Variants in ABR observed in about 807,000 individuals in gnomAD.
ABR encodes ABR activator of RhoGEF and GTPase.
In ABR, 35 loss-of-function variants were observed where a neutral mutation model predicts 107.2. The ratio of observed to expected loss-of-function variants is 0.33; its 90% CI spans 0.25 to 0.43. The LOEUF is 0.43. Ranked by LOEUF, ABR falls within the 20% of genes least tolerant of loss-of-function variation. ABR has a pLI of 1.00. For synonymous variants in ABR, 498 were observed against 462.0 expected, an observed-to-expected ratio of 1.08 and a Z score of -1.00; for missense variants, 815 against 1,115.2, an observed-to-expected ratio of 0.73 and a Z score of 3.83.
Position 1,078,903 on chromosome 17 carries a change from A to T in ABR, c.700+427T>A. ...GGCGGGAGCGTGCAGCCATCGCTCC[A>T]GGCTCCCCGGCGCCCACCAGCAGCC... On this transcript the variant is annotated intron_variant, in intron 6 of 22. Coordinates refer to ENST00000302538, the MANE Select transcript of ABR (RefSeq NM_021962.5). The surrounding 1 kb of genome is among the most constrained non-coding windows in gnomAD (Gnocchi z 7.5). 5 of 1,534,446 alleles carry T rather than the reference A, an allele frequency of 3.3e-6. No individual in the cohort carries two copies. The highest frequency in any genetic ancestry group is 4.4e-6 in the Non-Finnish European group (5 of 1,146,198).
chr17:1,123,204 C>G (rs914676035), intron 2 of ABR, among the ~76,000 whole-genome samples: 1 of 152,102 alleles, frequency 6.6e-6, no homozygotes, highest in African/African-American at 2.4e-5. Flanking sequence ...GCAGGTGCCG[C>G]GGATGGGACC....
At chr17:1,204,646 G>C (rs929890440) in intron 1 of ABR, among the ~76,000 whole-genome samples, 8 of 152,234 alleles carry the variant, frequency 5.3e-5, no homozygotes, top group Admixed American at 3.3e-4. Context: ...ATTCAGTATA[G>C]TGACCTGCTA....
chr17:1,056,901 T>C lies in ABR; in HGVS notation c.1486+97A>G, dbSNP rs1597587825. ...AGCACAGCCGAGCAGGGATCAGCCA[T>C]TTACAGCCACATGTCTGTCTGAGTC... On this transcript the variant is annotated intron_variant, in intron 13 of 22. Transcript: ENST00000302538. The C allele has an allele frequency of 3.7e-6, 3 of 808,888 alleles. No homozygotes were observed. The East Asian group carries it at 7.9e-5, about 21-fold the overall frequency. 50.1% of individuals were successfully genotyped at this position (808,888 alleles called of 1,614,324 possible). A position where few individuals can be genotyped will look rare whatever the true frequency, so the allele number is the denominator to read the frequency against.
chr17:1,151,700 A>C (rs1197892279), intron 1 of ABR, among the ~76,000 whole-genome samples: 1 of 152,182 alleles, frequency 6.6e-6, no homozygotes, highest in African/African-American at 2.4e-5. Flanking sequence ...ATTTAGGTTG[A>C]ACCCTTTTTG....
At chr17:1,229,667 C>T (rs1439326660) in exon 1 of ABR, among the ~76,000 whole-genome samples, 1 of 152,046 alleles carries the variant, frequency 6.6e-6, no homozygotes, top group Non-Finnish European at 1.5e-5. Context: ...TTCCCCGCGG[C>T]CCCCGAAGAG....
At chr17:1,046,350 C>T (rs1293092367) in intron 16 of ABR, among the ~76,000 whole-genome samples, 2 of 139,568 alleles carry the variant, frequency 1.4e-5, no homozygotes, top group African/African-American at 2.5e-5. Flanking sequence ...GTTGGCCAGG[C>T]GGGTCTTGAA....
chr17:1,149,425 G>GA (rs2040704733), intron 1 of ABR, among the ~76,000 whole-genome samples: 1 of 130,466 alleles, frequency 7.7e-6, no homozygotes, highest in African/African-American at 2.8e-5. Flanking sequence ...TCTGGTTTTA[G>GA]TTTTTTTTTT....
At chr17:1,074,357 C>T (rs1383553539) in intron 6 of ABR, among the ~76,000 whole-genome samples, 1 of 148,964 alleles carries the variant, frequency 6.7e-6, no homozygotes, top group Middle Eastern at 3.5e-3. Flanking sequence ...CAGAATCACA[C>T]AGCTCCACCC....
At chr17:1,098,517 T>C (rs1211027547) in intron 3 of ABR, among the ~76,000 whole-genome samples, 1 of 152,244 alleles carries the variant, frequency 6.6e-6, no homozygotes, top group East Asian at 1.9e-4. Context: ...GCTGACATTT[T>C]TTCATTGGTT....
At chr17:1,195,304 C>CAAAAAAAAAAAA (rs564020208) in intron 1 of ABR, among the ~76,000 whole-genome samples, 9 of 87,636 alleles carry the variant, frequency 1.0e-4, no homozygotes, top group Admixed American at 3.0e-4. Flanking sequence ...GAGACTGTCT[C>CAAAAAAAAAAAA]AAAAAAAAAA....
In ABR at chr17:1,162,473, C is replaced by T. The variant is rs1179767725; in HGVS notation, c.61+17194G>A. Reference sequence around the variant, plus strand: ...GCATGAGGCTGGGATGTGGTACCCCCAGCTCCCCACTGTGGGCCACCCGGG... The same window carrying T: ...GCATGAGGCTGGGATGTGGTACCCCTAGCTCCCCACTGTGGGCCACCCGGG... On this transcript the variant is annotated intron_variant, in intron 1 of 22. Transcript: ENST00000302538. 3.9e-5 allele frequency among the ~76,000 whole-genome samples: 6 copies of T among 152,338 alleles called. No individual in the cohort carries two copies. In the East Asian group the frequency reaches 5.8e-4, roughly 15 times the overall value.
intron 16 of ABR, among the ~76,000 whole-genome samples, chr17:1,047,746 C>T (rs1311967402): frequency 6.6e-6 from 1 of 152,244 alleles, no homozygotes; most frequent in Non-Finnish European, 1.5e-5. Context: ...TGGCTTCCTC[C>T]CTCCCCCACT....
chr17:1,028,645 C>T (rs2072441182), intron 16 of ABR, among the ~76,000 whole-genome samples: 1 of 152,202 alleles, frequency 6.6e-6, no homozygotes, highest in Non-Finnish European at 1.5e-5. Context: ...TCAGCAGTGC[C>T]GGTGTCCAGC....
At chr17:1,012,384 C>T (rs1293302036) in intron 18 of ABR, 3 of 661,970 alleles carry the variant, frequency 4.5e-6, no homozygotes, top group East Asian at 3.0e-5. Flanking sequence ...CCGCCAGTCC[C>T]CGTTGGTGCC....
At chr17:1,226,520 T>C (rs1365474337) in intron 1 of ABR, among the ~76,000 whole-genome samples, 1 of 151,720 alleles carries the variant, frequency 6.6e-6, no homozygotes, top group Non-Finnish European at 1.5e-5. Context: ...TGTGCATGCA[T>C]GTATGTGACA....
chr17:1,065,680 A>T (rs1371898155), intron 10 of ABR, among the ~76,000 whole-genome samples: 3 of 151,474 alleles, frequency 2.0e-5, no homozygotes, highest in Non-Finnish European at 2.9e-5. Context: ...AACAGTTTGC[A>T]GTTCTCATTT....
At chr17:1,108,906 C>A (rs539553051) in intron 2 of ABR, 10 of 1,565,450 alleles carry the variant, frequency 6.4e-6, no homozygotes, top group Admixed American at 1.9e-5. Context: ...CGGCCCCCCC[C>A]AGCGCCCAGG....
At chr17:1,208,020 T>C (rs768550745) in intron 1 of ABR, among the ~76,000 whole-genome samples, 2 of 152,002 alleles carry the variant, frequency 1.3e-5, no homozygotes, top group Non-Finnish European at 2.9e-5. Flanking sequence ...ATCCACCCGC[T>C]TCGGCCTCCC....
chr17:1,018,852 G>A (rs1313729240), intron 16 of ABR, among the ~76,000 whole-genome samples: 4 of 152,166 alleles, frequency 2.6e-5, no homozygotes, highest in South Asian at 2.1e-4. Flanking sequence ...AGACATATGC[G>A]GTTTAAGCTC....
Sources: allele counts gnomAD v4.1 joint callset (sites outside exome capture counted in the v4.1 genomes callset), GRCh38; gene constraint gnomAD v4.1.1; non-coding constraint Gnocchi (gnomAD v3.1); transcripts MANE v1.5; gene names NCBI Gene and HGNC (gene_info 2026-07-23, HGNC 2026-07-21).